The following CCDC102B variants were observed in gnomAD, a reference collection of about 807,000 sequenced individuals.
CCDC102B encodes the protein coiled-coil domain-containing protein 102B.
In CCDC102B, 75 loss-of-function variants were observed where a neutral mutation model predicts 57.4. The ratio of observed to expected loss-of-function variants is 1.31; its 90% confidence interval spans 1.08 to 1.58. The LOEUF (loss-of-function observed/expected upper bound fraction) is 1.58, where lower values mean the gene tolerates loss of function less well. Among genes scored for constraint, CCDC102B ranks in the 40% most tolerant of loss-of-function variants. CCDC102B has a pLI of 0.00. For synonymous variants in CCDC102B, 206 were observed against 201.9 expected (o/e 1.02, Z -0.17); for missense variants, 636 against 582.6 (o/e 1.09, Z -0.94).
intron 6 of CCDC102B, among the ~76,000 whole-genome samples, chr18:68,909,096 A>AAAAAAG (rs2040744354): frequency 6.8e-6 from 1 of 147,356 alleles, no homozygotes; most frequent in Non-Finnish European, 1.5e-5. Flanking sequence ...ATGGTTAAAA[A>AAAAAAG]AAAAAAAAGA....
intron 2 of CCDC102B, among the ~76,000 whole-genome samples, chr18:68,782,154 T>G (rs1265648880): frequency 6.6e-6 from 1 of 152,142 alleles, no homozygotes; most frequent in Admixed American, 6.5e-5. Flanking sequence ...TAATAATGTT[T>G]ATAGGTCCAA....
intron 2 of CCDC102B, among the ~76,000 whole-genome samples, chr18:68,722,857 A>G (rs969184089): frequency 6.6e-6 from 1 of 151,834 alleles, no homozygotes. Flanking sequence ...ACCAGCACTG[A>G]ATTCCAAAAT....
intron 6 of CCDC102B, among the ~76,000 whole-genome samples, chr18:68,928,316 C>CA (rs1568335620): frequency 6.6e-6 from 1 of 151,764 alleles, no homozygotes; most frequent in African/African-American, 2.4e-5. Context: ...TATGGGAAGG[C>CA]AAAAGGCTAT....
At chr18:68,810,690 T>TG (rs1568263234) in intron 1 of CCDC102B, among the ~76,000 whole-genome samples, 1 of 138,892 alleles carries the variant, frequency 7.2e-6, no homozygotes, top group Non-Finnish European at 1.5e-5. Flanking sequence ...GTTTTTTTTT[T>TG]TTTTTTTTTT....
chr18:69,016,037 T>C (rs2145407550), intron 7 of CCDC102B, among the ~76,000 whole-genome samples: 1 of 150,652 alleles, frequency 6.6e-6, no homozygotes, highest in South Asian at 2.1e-4. Flanking sequence ...TTTTTTTTTT[T>C]TTTTTTTAGT....
chr18:68,804,028 TGG>T (rs773386278), intron 1 of CCDC102B, among the ~76,000 whole-genome samples: 143 of 152,156 alleles, frequency 9.4e-4, no homozygotes, highest in Non-Finnish European at 1.7e-3. Context: ...AAGGTAGAAG[TGG>T]GGAGGCCAGA....
chr18:68,772,826 T>A (rs999292048), intron 2 of CCDC102B, among the ~76,000 whole-genome samples: 1 of 152,068 alleles, frequency 6.6e-6, no homozygotes, highest in Non-Finnish European at 1.5e-5. Flanking sequence ...CTGGGAGTGT[T>A]CAGTGAAACC....
intron 6 of CCDC102B, among the ~76,000 whole-genome samples, chr18:68,915,617 C>G (rs12373428): frequency 0.57 from 86,872 of 151,970 alleles, 27,019 homozygotes; most frequent in Non-Finnish European, 0.68. Context: ...GTTTTCTACT[C>G]TTTTTATTTG....
At chr18:69,001,106 T>G (rs2051189475) in intron 6 of CCDC102B, among the ~76,000 whole-genome samples, 2 of 152,214 alleles carry the variant, frequency 1.3e-5, no homozygotes, top group Admixed American at 6.5e-5. Context: ...TCTTTTGATC[T>G]TGGCATGTGC....
intron 1 of CCDC102B, among the ~76,000 whole-genome samples, chr18:68,822,710 A>G (rs2036742421): frequency 6.6e-6 from 1 of 152,148 alleles, no homozygotes; most frequent in African/African-American, 2.4e-5. Context: ...TCCCACTTTA[A>G]AGTGAGAACA....
chr18:69,056,622 T>G (rs2052819050), downstream of CCDC102B, among the ~76,000 whole-genome samples: 1 of 76,058 alleles, frequency 1.3e-5, no homozygotes, highest in African/African-American at 3.5e-5. Context: ...GCCTGTTAAT[T>G]TAGATAGATA....
At chr18:68,770,522 A>C (rs1031982647) in intron 2 of CCDC102B, among the ~76,000 whole-genome samples, 1 of 152,202 alleles carries the variant, frequency 6.6e-6, no homozygotes, top group Non-Finnish European at 1.5e-5. Context: ...CATGACGCCA[A>C]GGCAAGGTTG....
intron 5 of CCDC102B, among the ~76,000 whole-genome samples, chr18:68,895,085 A>G (rs546029094): frequency 5.1e-4 from 78 of 151,926 alleles, no homozygotes; most frequent in African/African-American, 1.8e-3. Context: ...TATTCTGATA[A>G]GTGAGGCAAT....
chr18:68,851,882 AAT>A (rs1000728437), intron 4 of CCDC102B, among the ~76,000 whole-genome samples: 14 of 152,156 alleles, frequency 9.2e-5, no homozygotes, highest in African/African-American at 3.4e-4. Flanking sequence ...CATTCTATGA[AAT>A]ATCTTTATTT....
intron 6 of CCDC102B, among the ~76,000 whole-genome samples, chr18:69,004,927 A>T (rs1020606186): frequency 3.3e-5 from 5 of 152,194 alleles, no homozygotes; most frequent in African/African-American, 1.2e-4. Flanking sequence ...GCTGATTAAG[A>T]CGGATAAAAT....
chr18:69,003,282 A>G (rs2051255026), intron 6 of CCDC102B, among the ~76,000 whole-genome samples: 1 of 152,194 alleles, frequency 6.6e-6, no homozygotes, highest in Non-Finnish European at 1.5e-5. Context: ...TCTTTTATGT[A>G]TGTATCATTT....
At chr18:68,783,880 T>G (rs561463309) in intron 2 of CCDC102B, among the ~76,000 whole-genome samples, 1 of 152,310 alleles carries the variant, frequency 6.6e-6, no homozygotes, top group East Asian at 1.9e-4. Context: ...TGATAACATT[T>G]ATGAGTGTTT....
In CCDC102B at chr18:69,054,952, T is replaced by C. The variant is rs912105744; in HGVS notation, c.*815T>C. 1 of 983,716 alleles carries C rather than the reference T, an allele frequency of 1.0e-6. No homozygotes were observed. Among genetic ancestry groups the C allele is most frequent in the African/African-American group, 1.7e-5 (1 of 57,192 alleles). 60.9% of individuals were successfully genotyped at this position (983,716 alleles called of 1,614,324 possible). On this transcript the variant is annotated 3_prime_UTR_variant, in exon 8 of 8. Transcript: ENST00000360242. Reference sequence around the variant, plus strand: ...GGTTATGTGAATATTTCTTTAAAACTTTTATGTACATTATAGTTTATTGCT... The same window carrying C: ...GGTTATGTGAATATTTCTTTAAAACCTTTATGTACATTATAGTTTATTGCT...
intron 6 of CCDC102B, among the ~76,000 whole-genome samples, chr18:68,998,433 T>TTTTA (rs1555669044): frequency 2.3e-4 from 33 of 144,768 alleles, no homozygotes; most frequent in Non-Finnish European, 4.2e-4. Flanking sequence ...ATATAATATA[T>TTTTA]TATATATATA....
Sources: gnomAD v4.1 joint callset for allele counts (sites outside exome capture counted in the v4.1 genomes callset) on GRCh38, gnomAD v4.1.1 for gene constraint, MANE v1.5 for transcripts, NCBI Gene and HGNC (gene_info 2026-07-23, HGNC 2026-07-21) for gene names.